Variants in ATP9A observed in about 807,000 individuals in gnomAD.
The protein encoded by ATP9A is ATPase phospholipid transporting 9A.
ATP9A carries 52 observed loss-of-function variants against 144.1 expected under a neutral mutation model. That is an observed-to-expected ratio of 0.36 (90% confidence interval 0.29 to 0.45). ATP9A has a LOEUF of 0.45. Among genes scored for constraint, ATP9A ranks in the 20% least tolerant of loss-of-function variants. The probability of loss-of-function intolerance (pLI) is 1.00; values close to 1 mark genes in which losing one functional copy is unlikely to be tolerated. For synonymous variants in ATP9A, 582 were observed against 557.4 expected (o/e 1.04, Z -0.62); for missense variants, 947 against 1,392.7 (o/e 0.68, Z 5.09).
intron 14 of ATP9A, among the ~76,000 whole-genome samples, chr20:51,644,289 T>TC (rs1175477626): frequency 2.0e-5 from 3 of 148,562 alleles, no homozygotes; most frequent in Non-Finnish European, 4.5e-5. Flanking sequence ...TTTTTTTTTT[T>TC]TGAGACGGAG....
intron 14 of ATP9A, among the ~76,000 whole-genome samples, chr20:51,649,912 C>CAA (rs3029336): frequency 0.24 from 25,548 of 107,382 alleles, 2,871 homozygotes; most frequent in South Asian, 0.41. Context: ...GAATCCGTCT[C>CAA]AAAAAAAAAA....
At chr20:51,709,678 G>A (rs967134116) in intron 4 of ATP9A, among the ~76,000 whole-genome samples, 8 of 152,146 alleles carry the variant, frequency 5.3e-5, no homozygotes, top group Admixed American at 3.9e-4. Context: ...AGTGAGTCCA[G>A]GTCCCACCAC....
At chr20:51,609,577 T>C (rs775939070) in intron 24 of ATP9A, among the ~76,000 whole-genome samples, 32 of 152,164 alleles carry the variant, frequency 2.1e-4, no homozygotes, top group Non-Finnish European at 4.4e-4. Context: ...GGGGGTGGGT[T>C]TGCAGGCTGC....
chr20:51,744,092 T>A (rs1458804724), intron 1 of ATP9A, among the ~76,000 whole-genome samples: 1 of 152,210 alleles, frequency 6.6e-6, no homozygotes, highest in Non-Finnish European at 1.5e-5. Flanking sequence ...TCAACTAGGT[T>A]AAAGTGTAAG....
At chr20:51,665,616 C>T (rs901903163) in intron 13 of ATP9A, among the ~76,000 whole-genome samples, 5 of 151,520 alleles carry the variant, frequency 3.3e-5, no homozygotes, top group Non-Finnish European at 5.9e-5. Flanking sequence ...CCCAGCTACT[C>T]GGGAGGCTGA....
chr20:51,679,540 A>T (rs1181179715), intron 9 of ATP9A, among the ~76,000 whole-genome samples: 2 of 152,120 alleles, frequency 1.3e-5, no homozygotes, highest in African/African-American at 4.8e-5. Context: ...ACCCGAAAGT[A>T]TCCACCCCCA....
chr20:51,735,950 A>G (rs1366087411), intron 1 of ATP9A, among the ~76,000 whole-genome samples: 1 of 152,232 alleles, frequency 6.6e-6, no homozygotes, highest in African/African-American at 2.4e-5. Flanking sequence ...TGGACCTTGT[A>G]GCCTAGTGGA....
chr20:51,694,141 G>C, intron 6 of ATP9A, 39 bp from the exon 7 acceptor site: 1 of 1,562,388 alleles, frequency 6.4e-7, no homozygotes, highest in Non-Finnish European at 8.8e-7. Context: ...TGCACCTCAA[G>C]CACCCTTCCC....
intron 12 of ATP9A, 35 bp downstream of exon 12, chr20:51,671,080 C>T (rs753218273): frequency 3.1e-6 from 5 of 1,602,514 alleles, no homozygotes; most frequent in Non-Finnish European, 4.3e-6. Context: ...CTTCTCTCAC[C>T]AGGAATCCTG....
chr20:51,709,931 C>G (rs1376252313), intron 4 of ATP9A, among the ~76,000 whole-genome samples: 3 of 152,130 alleles, frequency 2.0e-5, no homozygotes, highest in Non-Finnish European at 4.4e-5. Context: ...ATACCATGGT[C>G]TATAATCTAG....
Position 51,638,419 on chromosome 20 carries a change from TG to T in ATP9A, c.1668+923del, listed in dbSNP as rs1335651480. Among the ~76,000 whole-genome samples, 3 of 151,964 alleles carry T rather than the reference TG, an allele frequency of 2.0e-5. No homozygotes were observed. The East Asian group carries it at 5.8e-4, about 29-fold the overall frequency. ...GAACCACCCCACTCCAACATAGGTG[TG>T]GGACTGAACCAAGGAATCGGTATTT... On this transcript the variant is annotated intron_variant, in intron 15 of 27. Coordinates refer to ENST00000338821, the MANE Select transcript of ATP9A (RefSeq NM_006045.3).
chr20:51,736,586 T>C (rs977735021), intron 1 of ATP9A, among the ~76,000 whole-genome samples: 2 of 151,478 alleles, frequency 1.3e-5, no homozygotes, highest in Admixed American at 6.6e-5. Flanking sequence ...ACTCCTGGGC[T>C]CAAGCTATCC....
intron 3 of ATP9A, among the ~76,000 whole-genome samples, chr20:51,719,877 C>T (rs1314395575): frequency 6.6e-6 from 1 of 151,964 alleles, no homozygotes; most frequent in African/African-American, 2.4e-5. Context: ...GTGAAACCCC[C>T]ATCTCTACTA....
intron 11 of ATP9A, among the ~76,000 whole-genome samples, chr20:51,672,077 G>A (rs1486171922): frequency 6.6e-6 from 1 of 152,150 alleles, no homozygotes; most frequent in African/African-American, 2.4e-5. Flanking sequence ...TGGGACTACA[G>A]ACGTGAGCCA....
At position 51,613,915 on chromosome 20, in the gene ATP9A, T is replaced by C. The variant is rs528270129; in HGVS notation, c.2416-83A>G. The C allele has an allele frequency of 2.1e-4, 298 of 1,391,400 alleles. 1 individual carries two copies. In the African/African-American group the frequency reaches 3.9e-3, roughly 18 times the overall value. The allele number at this position is 1,391,400 out of a possible 1,614,324, so 86.2% of individuals were successfully genotyped here. A position where few individuals can be genotyped will look rare whatever the true frequency, so the allele number is the denominator to read the frequency against. The stretch of plus-strand genomic sequence containing the variant: ...TTTCTTTCACTGAAAAAGCAAGACA[T>C]TGTAGGAAATCTTTGAAGAACTTCA... On this transcript the variant is annotated intron_variant, in intron 22 of 27. Coordinates refer to ENST00000338821, the MANE Select transcript of ATP9A (RefSeq NM_006045.3).
At chr20:51,690,707 G>A (rs777859091) in intron 8 of ATP9A, 32 bp downstream of exon 8, 9 of 1,563,444 alleles carry the variant, frequency 5.8e-6, no homozygotes, top group Non-Finnish European at 7.1e-6. Flanking sequence ...CACTCCCGGT[G>A]ACAGGATCCC....
chr20:51,712,039 A>T (rs547084275), intron 4 of ATP9A, among the ~76,000 whole-genome samples: 15 of 148,562 alleles, frequency 1.0e-4, no homozygotes, highest in African/African-American at 3.7e-4. Context: ...TATTTGTAGC[A>T]GAGACAGGGT....
chr20:51,635,721 A>G (rs1410591970), intron 15 of ATP9A, among the ~76,000 whole-genome samples: 1 of 150,362 alleles, frequency 6.7e-6, no homozygotes, highest in East Asian at 2.0e-4. Flanking sequence ...TAGGCAACAG[A>G]GCAAGATGGA....
At position 51,601,253 on chromosome 20, in the gene ATP9A, T is replaced by C. The variant is rs1601047556; in HGVS notation, c.3102A>G (p.Arg1034=). 1 of 1,613,898 alleles carries C rather than the reference T, an allele frequency of 6.2e-7. No individual in the cohort carries two copies. The highest frequency in any genetic ancestry group is 2.2e-5 in the East Asian group (1 of 44,862). The part of the protein sequence containing the change: ...CLPLYVLKYL[R]RRFSPPSYSK... ...AGTAGCTGGGGGGAGAGAACCGTCT[T>C]CGCAGGTACTTGAGGACATAGAGGG... The change falls in exon 28 of 28, where the codon CGA becomes CGG. Residue 1034 remains arginine (R), a synonymous_variant. Transcript: ENST00000338821.
Sources: allele counts gnomAD v4.1 joint callset (sites outside exome capture counted in the v4.1 genomes callset), GRCh38; gene constraint gnomAD v4.1.1; transcripts MANE v1.5; gene names NCBI Gene and HGNC (gene_info 2026-07-23, HGNC 2026-07-21).